The following RPGRIP1 variants were observed in gnomAD, a reference collection of about 807,000 sequenced individuals.
RPGRIP1 encodes the protein X-linked retinitis pigmentosa GTPase regulator-interacting protein 1.
RPGRIP1 carries 128 observed loss-of-function variants against 157.9 expected under a neutral mutation model. That is an observed-to-expected ratio of 0.81 (90% confidence interval 0.70 to 0.94). RPGRIP1 has a LOEUF of 0.94. Among genes scored for constraint, RPGRIP1 ranks in the 40% least tolerant of loss-of-function variants. The pLI is 0.00. For synonymous variants in RPGRIP1, 554 were observed against 571.6 expected, an observed-to-expected ratio of 0.97 and a Z score of 0.44; for missense variants, 1,486 against 1,545.8, an observed-to-expected ratio of 0.96 and a Z score of 0.65.
intron 3 of RPGRIP1, among the ~76,000 whole-genome samples, chr14:21,299,045 C>T (rs897448429): frequency 1.5e-5 from 2 of 136,036 alleles, no homozygotes; most frequent in Non-Finnish European, 3.2e-5. Context: ...ATGGGAGTTT[C>T]GCTCTTGTTG....
chr14:21,293,840 C>A (rs1880639825), intron 2 of RPGRIP1, among the ~76,000 whole-genome samples: 1 of 151,326 alleles, frequency 6.6e-6, no homozygotes, highest in East Asian at 1.9e-4. Flanking sequence ...GATGGCGCCA[C>A]TGCACTCCAG....
chr14:21,343,073 C>T lies in RPGRIP1; in HGVS notation c.3377C>T (p.Ala1126Val), dbSNP rs760334377. The T allele has an allele frequency of 5.0e-6, 8 of 1,612,502 alleles. No individual in the cohort carries two copies. The African/African-American group carries it at 1.1e-4, about 22-fold the overall frequency. Residue 1126 changes from alanine (A) to valine (V), a missense_variant, in exon 22 of 25, where the codon GCC becomes GTC. Physicochemically the swap from Ala to Val is moderately conservative, Grantham distance 64. Coordinates refer to ENST00000400017, the MANE Select transcript of RPGRIP1 (RefSeq NM_020366.4). ...EKMCIEIVSL[A>V]FYPEAEVMSD... ...ATGTGCATTGAAATTGTCTCCCTGG[C>T]CTTCTACCCAGAGGCAGAAGTGATG... is the stretch of plus-strand genomic sequence containing the variant.
At chr14:21,348,509 T>C (rs1197187356) in intron 24 of RPGRIP1, among the ~76,000 whole-genome samples, 4 of 152,192 alleles carry the variant, frequency 2.6e-5, no homozygotes, top group Non-Finnish European at 4.4e-5. Context: ...TGATTACAAC[T>C]AGAATTGATT....
intron 3 of RPGRIP1, among the ~76,000 whole-genome samples, chr14:21,296,819 G>T (rs367697746): frequency 6.6e-6 from 1 of 151,788 alleles, no homozygotes. Flanking sequence ...GCTGGGCGTG[G>T]TGGTGGGCGC....
At chr14:21,293,053 G>A (rs1368192098) in intron 2 of RPGRIP1, among the ~76,000 whole-genome samples, 3 of 151,930 alleles carry the variant, frequency 2.0e-5, no homozygotes, top group South Asian at 2.1e-4. Flanking sequence ...GGCTGAGGCA[G>A]GAGAATTGCT....
At chr14:21,350,941 T>C (rs1886209505) in intron 24 of RPGRIP1, among the ~76,000 whole-genome samples, 163 bp from the exon 25 acceptor site, 1 of 152,208 alleles carries the variant, frequency 6.6e-6, no homozygotes, top group South Asian at 2.1e-4. Flanking sequence ...ATTTATTATA[T>C]AGCACCTATA....
chr14:21,345,057 G>A (rs867165912), intron 22 of RPGRIP1, 56 bp from the exon 23 acceptor site: 1 of 1,122,482 alleles, frequency 8.9e-7, no homozygotes, highest in Middle Eastern at 2.0e-4. Flanking sequence ...AAAGTCTTGG[G>A]GCTCACACTG....
chr14:21,331,535 A>C (rs1345193047), intron 20 of RPGRIP1, among the ~76,000 whole-genome samples: 1 of 152,080 alleles, frequency 6.6e-6, no homozygotes, highest in Non-Finnish European at 1.5e-5. Context: ...ACAAAAAACA[A>C]AAAACAGGAC....
intron 1 of RPGRIP1, among the ~76,000 whole-genome samples, chr14:21,287,163 C>T (rs769721660): frequency 4.6e-5 from 7 of 151,876 alleles, no homozygotes; most frequent in Non-Finnish European, 4.4e-5. Flanking sequence ...TTTGGGAGGC[C>T]GAGGCGGGCA....
intron 6 of RPGRIP1, among the ~76,000 whole-genome samples, chr14:21,306,071 C>T (rs1028878604): frequency 7.5e-6 from 1 of 132,788 alleles, no homozygotes; most frequent in Non-Finnish European, 1.6e-5. Context: ...ATCTTTCAAA[C>T]AATAAAGAAA....
chr14:21,322,311 C>T (rs1027632942), intron 14 of RPGRIP1, among the ~76,000 whole-genome samples: 1 of 152,102 alleles, frequency 6.6e-6, no homozygotes, highest in African/African-American at 2.4e-5. Context: ...TTGTCCACCA[C>T]CATGCCTGGC....
chr14:21,330,538 C>CAT, intron 20 of RPGRIP1, among the ~76,000 whole-genome samples, 151 bp downstream of exon 20: 1 of 151,994 alleles, frequency 6.6e-6, no homozygotes, highest in East Asian at 1.9e-4. Flanking sequence ...TGGTGGCAGG[C>CAT]GCCTGTAATC....
intron 1 of RPGRIP1, among the ~76,000 whole-genome samples, chr14:21,283,906 T>G (rs1218215508): frequency 6.6e-6 from 1 of 152,102 alleles, no homozygotes; most frequent in Non-Finnish European, 1.5e-5. Flanking sequence ...GTTGGGATTA[T>G]AAACGTGAGC....
chr14:21,340,159 C>T (rs1196127350), intron 21 of RPGRIP1, among the ~76,000 whole-genome samples: 2 of 152,108 alleles, frequency 1.3e-5, no homozygotes, highest in Non-Finnish European at 2.9e-5. Context: ...TTTGATTTAC[C>T]TGAGGAGTGG....
rs1235748438 is a variant in RPGRIP1 at position 21,310,621 on chromosome 14, A to G, written c.930+14A>G. The G allele has an allele frequency of 4.8e-6, 7 of 1,446,960 alleles. No individual in the cohort carries two copies. Among genetic ancestry groups the G allele is most frequent in the African/African-American group, 2.9e-5 (2 of 69,858 alleles). The allele number at this position is 1,446,960 out of a possible 1,614,324, so 89.6% of individuals were successfully genotyped here. A position where few individuals can be genotyped will look rare whatever the true frequency, so the allele number is the denominator to read the frequency against. On this transcript the variant is annotated intron_variant, in intron 8 of 24. Coordinates refer to ENST00000400017, the MANE Select transcript of RPGRIP1 (RefSeq NM_020366.4). ...TTGCTCCAGAAGGTACTTAATGAGA[A>G]TTGAGTCTCTGTTTCTTAGTAACCA... is the stretch of plus-strand genomic sequence containing the variant.
At chr14:21,326,432 A>T (rs536900753) in intron 17 of RPGRIP1, among the ~76,000 whole-genome samples, 1 of 152,194 alleles carries the variant, frequency 6.6e-6, no homozygotes, top group South Asian at 2.1e-4. Context: ...TGAATTCTAT[A>T]CCTCTGTATC....
intron 20 of RPGRIP1, among the ~76,000 whole-genome samples, chr14:21,331,751 A>T (rs1244321482): frequency 6.6e-6 from 1 of 151,964 alleles, no homozygotes; most frequent in Admixed American, 6.6e-5. Flanking sequence ...GGTGATAGAG[A>T]TGTTCATTTT....
At chr14:21,315,638 T>C (rs1219962653) in intron 10 of RPGRIP1, among the ~76,000 whole-genome samples, 1 of 151,990 alleles carries the variant, frequency 6.6e-6, no homozygotes, top group Non-Finnish European at 1.5e-5. Flanking sequence ...TAAAGCAGTG[T>C]GGGGAGTATC....
intron 4 of RPGRIP1, 29 bp from the exon 5 acceptor site, chr14:21,302,459 G>A (rs767654540): frequency 2.4e-5 from 33 of 1,350,426 alleles, no homozygotes; most frequent in East Asian, 5.0e-5. Flanking sequence ...ACTGTTGCCC[G>A]AGTCTGCATC....
Sources: gnomAD v4.1 joint callset for allele counts (sites outside exome capture counted in the v4.1 genomes callset) on GRCh38, gnomAD v4.1.1 for gene constraint, MANE v1.5 for transcripts, NCBI Gene and HGNC (gene_info 2026-07-23, HGNC 2026-07-21) for gene names.